The following PKN2 variants were observed in gnomAD, a reference collection of about 807,000 sequenced individuals.
The protein encoded by PKN2 is serine/threonine-protein kinase N2.
In PKN2, 38 loss-of-function variants were observed where a neutral mutation model predicts 119.1. That is an observed-to-expected ratio of 0.32 (90% CI 0.25 to 0.42). The LOEUF is 0.42. Among genes scored for constraint, PKN2 ranks in the 10% least tolerant of loss-of-function variants. The pLI is 1.00. For missense variants in PKN2, 850 were observed against 1,165.1 expected, an observed-to-expected ratio of 0.73 and a Z score of 3.94; for synonymous variants, 390 against 384.9, an observed-to-expected ratio of 1.01 and a Z score of -0.15.
At chr1:88,743,090 T>A (rs1421527081) in intron 2 of PKN2, among the ~76,000 whole-genome samples, 1 of 152,132 alleles carries the variant, frequency 6.6e-6, no homozygotes, top group Non-Finnish European at 1.5e-5. Context: ...CTCGGAAGGC[T>A]GAGGCATGAA....
chr1:88,805,650 C>G lies in PKN2; in HGVS notation c.1655C>G (p.Pro552Arg). The G allele has an allele frequency of 6.2e-7, 1 of 1,614,048 alleles. No homozygotes were observed. Among genetic ancestry groups the G allele is most frequent in the Non-Finnish European group, 8.5e-7 (1 of 1,180,004 alleles). The change falls in exon 11 of 22, where the codon CCT becomes CGT. Residue 552 changes from proline (P) to arginine (R), a missense_variant. By Grantham distance (103) the Pro-to-Arg change is moderately radical. This residue lies in a region of PKN2 where 216 missense variants were observed against 252.8 expected (regional missense o/e 0.85). Coordinates refer to ENST00000370521, the MANE Select transcript of PKN2 (RefSeq NM_006256.4). ...TTVPVVDVRI[P>R]QLAPPASDST... ...GTGCCAGTGGTTGATGTACGCATCC[C>G]TCAACTAGCACCTCCAGCTAGGTAT...
At chr1:88,829,938 A>G (rs1207213650) in intron 19 of PKN2, among the ~76,000 whole-genome samples, 1 of 152,192 alleles carries the variant, frequency 6.6e-6, no homozygotes, top group Non-Finnish European at 1.5e-5. Context: ...CCCTTTTGGT[A>G]TGTCAATTTG....
chr1:88,717,538 CATTT>C (rs755888059), intron 1 of PKN2, among the ~76,000 whole-genome samples: 1 of 151,730 alleles, frequency 6.6e-6, no homozygotes, highest in Non-Finnish European at 1.5e-5. Flanking sequence ...TCATTTCATT[CATTT>C]GATCTTCAAT....
chr1:88,745,345 A>G (rs1432574885), intron 2 of PKN2, among the ~76,000 whole-genome samples: 3 of 152,350 alleles, frequency 2.0e-5, no homozygotes, highest in African/African-American at 4.8e-5. Context: ...GAACAACACA[A>G]TCTTACATAT....
At chr1:88,717,395 A>G (rs1667498132) in intron 1 of PKN2, among the ~76,000 whole-genome samples, 1 of 152,094 alleles carries the variant, frequency 6.6e-6, no homozygotes, top group Non-Finnish European at 1.5e-5. Context: ...AGTGTTTTCC[A>G]ACTTGGTTCC....
chr1:88,684,522 C>T lies in PKN2; in HGVS notation c.-59C>T. 7 of 1,497,488 alleles carry T rather than the reference C, an allele frequency of 4.7e-6. No individual in the cohort carries two copies. The South Asian group carries it at 4.8e-5, about 10-fold the overall frequency. 92.8% of individuals were successfully genotyped at this position (1,497,488 alleles called of 1,614,324 possible). ...CTCACCCCCACCCCGAGCCCCGTCC[C>T]GCCTTCTCCCTTCGCCAGAGGCGGC... On this transcript the variant is annotated 5_prime_UTR_variant, in exon 1 of 22. Transcript: ENST00000370521.
chr1:88,794,414 T>A (rs1209942632), intron 8 of PKN2, among the ~76,000 whole-genome samples: 3 of 151,870 alleles, frequency 2.0e-5, no homozygotes, highest in East Asian at 1.9e-4. Context: ...ACCAGTTCTC[T>A]TGTTGTCCTG....
chr1:88,759,920 A>C (rs1669372582), intron 2 of PKN2, among the ~76,000 whole-genome samples: 2 of 152,192 alleles, frequency 1.3e-5, no homozygotes. Context: ...AAATTCTACC[A>C]GATGTGCAAA....
chr1:88,805,678 G>T lies in PKN2; in HGVS notation c.1676+7G>T, dbSNP rs765254246. 4 of 1,613,444 alleles carry T rather than the reference G, an allele frequency of 2.5e-6. No individual in the cohort carries two copies. Among genetic ancestry groups the T allele is most frequent in the Non-Finnish European group, 3.4e-6 (4 of 1,179,756 alleles). On this transcript the variant is annotated splice_region_variant and intron_variant, in intron 11 of 21. Transcript: ENST00000370521. Reference sequence around the variant, plus strand: ...AACTAGCACCTCCAGCTAGGTATGTGTCTGAGATTTTAAGCATCTCTTATA... The same window carrying T: ...AACTAGCACCTCCAGCTAGGTATGTTTCTGAGATTTTAAGCATCTCTTATA...
At chr1:88,753,579 C>T (rs1211710391) in intron 2 of PKN2, among the ~76,000 whole-genome samples, 11 of 151,916 alleles carry the variant, frequency 7.2e-5, no homozygotes, top group African/African-American at 2.7e-4. Flanking sequence ...AAACATGATG[C>T]TGGCATCTGC....
intron 8 of PKN2, among the ~76,000 whole-genome samples, chr1:88,796,573 CT>C (rs1341525161): frequency 6.6e-6 from 1 of 152,100 alleles, no homozygotes; most frequent in Non-Finnish European, 1.5e-5. Flanking sequence ...GTTTTTTCCC[CT>C]CTGATGACTT....
At chr1:88,766,304 A>G (rs1012890926) in intron 3 of PKN2, among the ~76,000 whole-genome samples, 1 of 152,240 alleles carries the variant, frequency 6.6e-6, no homozygotes, top group African/African-American at 2.4e-5. Flanking sequence ...ACATAAATAC[A>G]TGATGAAAAA....
At chr1:88,729,813 G>C (rs1668061237) in intron 1 of PKN2, among the ~76,000 whole-genome samples, 1 of 150,492 alleles carries the variant, frequency 6.6e-6, no homozygotes, top group Non-Finnish European at 1.5e-5. Context: ...ATGTTGCCCT[G>C]CCTCCCTTGA....
chr1:88,742,459 G>A (rs1447420780), intron 2 of PKN2, among the ~76,000 whole-genome samples: 1 of 151,878 alleles, frequency 6.6e-6, no homozygotes, highest in South Asian at 2.1e-4. Flanking sequence ...AAGAATAATC[G>A]AAACTTTAAA....
chr1:88,778,789 C>T (rs548014743), intron 6 of PKN2, among the ~76,000 whole-genome samples: 1 of 152,160 alleles, frequency 6.6e-6, no homozygotes, highest in South Asian at 2.1e-4. Context: ...TCTCCGCTCA[C>T]TGCAAGCTCC....
rs576881665 is a variant in PKN2 at position 88,761,777 on chromosome 1, ATGATGTGATATT to A, written c.504+1406_504+1417del. Among the ~76,000 whole-genome samples, 45 of 152,286 alleles carry A rather than the reference ATGATGTGATATT, an allele frequency of 3.0e-4. No homozygotes were observed. The South Asian group carries it at 9.1e-3, about 31-fold the overall frequency. ...GAAATGTATTTGTTCCTATTTACTT[ATGATGTGATATT>A]TGATAGGATATTATTTCACTAACTT... On this transcript the variant is annotated intron_variant, in intron 3 of 21. Coordinates refer to ENST00000370521, the MANE Select transcript of PKN2 (RefSeq NM_006256.4).
chr1:88,688,086 T>C (rs533872012), intron 1 of PKN2, among the ~76,000 whole-genome samples: 22 of 5,034 alleles, frequency 4.4e-3, no homozygotes, highest in African/African-American at 7.1e-3. Flanking sequence ...CACTACACTA[T>C]TCTTTTTTTT....
At chr1:88,690,494 T>C (rs891003465) in intron 1 of PKN2, among the ~76,000 whole-genome samples, 1 of 152,210 alleles carries the variant, frequency 6.6e-6, no homozygotes, top group African/African-American at 2.4e-5. Flanking sequence ...ACTTTTGATA[T>C]ACAGCAGAGT....
At chr1:88,797,853 G>A (rs1429512658) in intron 8 of PKN2, among the ~76,000 whole-genome samples, 1 of 152,002 alleles carries the variant, frequency 6.6e-6, no homozygotes, top group Non-Finnish European at 1.5e-5. Context: ...TAGAGACCAG[G>A]CACAGTGGTT....
Sources: allele counts gnomAD v4.1 joint callset (sites outside exome capture counted in the v4.1 genomes callset), GRCh38; gene constraint gnomAD v4.1.1; regional missense constraint gnomAD v4.1.1; transcripts MANE v1.5; gene names NCBI Gene and HGNC (gene_info 2026-07-23, HGNC 2026-07-21).